Variants in PLPPR1 observed in about 807,000 individuals in gnomAD.
PLPPR1 encodes phospholipid phosphatase-related protein type 1.
Under a neutral mutation model 33.1 loss-of-function variants are expected in PLPPR1, and 10 were observed. The ratio of observed to expected loss-of-function variants is 0.30; its 90% CI spans 0.19 to 0.51. The LOEUF is 0.51. Among genes scored for constraint, PLPPR1 ranks in the 20% least tolerant of loss-of-function variants. The pLI is 0.97. For synonymous variants in PLPPR1, 151 were observed against 151.0 expected (o/e 1.00, Z 0.00); for missense variants, 304 against 408.1 (o/e 0.74, Z 2.20).
intron 2 of PLPPR1, among the ~76,000 whole-genome samples, chr9:101,260,172 C>T (rs1021857554): frequency 3.3e-5 from 5 of 151,966 alleles, no homozygotes; most frequent in Non-Finnish European, 4.4e-5. Flanking sequence ...AGACTGGGAC[C>T]CCACCTCCAA....
chr9:101,102,897 T>G (rs1386608118), intron 1 of PLPPR1, among the ~76,000 whole-genome samples: 1 of 68,990 alleles, frequency 1.4e-5, no homozygotes, highest in African/African-American at 6.5e-5. Flanking sequence ...TGATGGCCAG[T>G]GATGATGAGC....
At chr9:101,137,454 G>A (rs1488251803) in intron 1 of PLPPR1, among the ~76,000 whole-genome samples, 3 of 152,200 alleles carry the variant, frequency 2.0e-5, no homozygotes, top group African/African-American at 4.8e-5. Flanking sequence ...GTAAAGTATA[G>A]TTAGGGACAC....
intron 1 of PLPPR1, among the ~76,000 whole-genome samples, chr9:101,115,999 G>A (rs201724956): frequency 2.6e-5 from 1 of 38,592 alleles, no homozygotes; most frequent in Non-Finnish European, 5.6e-5. Flanking sequence ...CAGAGAATGA[G>A]AAGAACATTC....
chr9:101,272,653 C>T (rs1435213730), intron 3 of PLPPR1, among the ~76,000 whole-genome samples: 3 of 152,170 alleles, frequency 2.0e-5, no homozygotes, highest in African/African-American at 7.2e-5. Context: ...AGACAACTAA[C>T]AACCAGCAAT....
At chr9:101,258,142 G>A (rs1470062896) in intron 2 of PLPPR1, among the ~76,000 whole-genome samples, 2 of 152,108 alleles carry the variant, frequency 1.3e-5, no homozygotes, top group Admixed American at 1.3e-4. Flanking sequence ...ATCTAGTACT[G>A]CATCCAGGTC....
intron 3 of PLPPR1, among the ~76,000 whole-genome samples, chr9:101,278,530 A>G (rs933954387): frequency 2.6e-5 from 4 of 152,086 alleles, no homozygotes. Flanking sequence ...TACCTGCACC[A>G]CCCCTCCCCC....
intron 2 of PLPPR1, among the ~76,000 whole-genome samples, chr9:101,267,657 G>A (rs1465561594): frequency 6.6e-6 from 1 of 152,238 alleles, no homozygotes; most frequent in Non-Finnish European, 1.5e-5. Context: ...AGGAAAGGTA[G>A]CAATGGATGT....
chr9:101,280,376 C>A (rs1828276020), intron 3 of PLPPR1, among the ~76,000 whole-genome samples: 1 of 152,060 alleles, frequency 6.6e-6, no homozygotes. Flanking sequence ...AGAACTAATA[C>A]CAATTTTACT....
intron 1 of PLPPR1, among the ~76,000 whole-genome samples, chr9:101,111,091 G>A (rs1228902581): frequency 6.6e-6 from 1 of 152,100 alleles, no homozygotes; most frequent in Non-Finnish European, 1.5e-5. Context: ...GAAAAGTATG[G>A]ACAGTGTAAC....
At chr9:101,243,699 A>C (rs1171677002) in intron 2 of PLPPR1, among the ~76,000 whole-genome samples, 1 of 151,976 alleles carries the variant, frequency 6.6e-6, no homozygotes, top group Admixed American at 6.6e-5. Flanking sequence ...GTGTGGATTA[A>C]GAAATAAGGG....
At chr9:101,106,190 T>G (rs1322889169) in intron 1 of PLPPR1, among the ~76,000 whole-genome samples, 8 of 150,098 alleles carry the variant, frequency 5.3e-5, no homozygotes, top group South Asian at 2.1e-4. Context: ...ATCCTGTCAT[T>G]ATGATGTTAG....
chr9:101,049,863 T>C (rs895850817), intron 1 of PLPPR1, among the ~76,000 whole-genome samples: 37 of 151,620 alleles, frequency 2.4e-4, no homozygotes, highest in African/African-American at 8.7e-4. Flanking sequence ...CGGTGGCTCA[T>C]GCCTGTAATC....
intron 2 of PLPPR1, among the ~76,000 whole-genome samples, chr9:101,185,847 A>G (rs1454025854): frequency 6.6e-6 from 1 of 151,818 alleles, no homozygotes; most frequent in Non-Finnish European, 1.5e-5. Context: ...ATTTTCGACA[A>G]TGATGTGAAT....
intron 1 of PLPPR1, among the ~76,000 whole-genome samples, chr9:101,030,502 A>G (rs2118393076): frequency 6.6e-6 from 1 of 151,830 alleles, no homozygotes. Context: ...ATACTTACAA[A>G]TTAGTTGTTT....
chr9:101,131,763 C>T (rs1162848210), intron 1 of PLPPR1: 8 of 152,332 alleles, frequency 5.3e-5, no homozygotes, highest in East Asian at 3.9e-4. Context: ...TGAAGAACTT[C>T]GCTTTGAAAG....
At chr9:101,259,875 C>T (rs887335604) in intron 2 of PLPPR1, among the ~76,000 whole-genome samples, 10 of 152,068 alleles carry the variant, frequency 6.6e-5, no homozygotes, top group African/African-American at 2.4e-4. Flanking sequence ...ATCGGATATG[C>T]ATTTATCTCA....
At chr9:101,218,351 C>T (rs1223808035) in intron 2 of PLPPR1, among the ~76,000 whole-genome samples, 1 of 152,004 alleles carries the variant, frequency 6.6e-6, no homozygotes, top group Non-Finnish European at 1.5e-5. Context: ...TTGGAAGAAA[C>T]CACAGAGGAA....
At chr9:101,281,324 C>T (rs1190052429) in intron 3 of PLPPR1, among the ~76,000 whole-genome samples, 2 of 151,864 alleles carry the variant, frequency 1.3e-5, no homozygotes, top group Non-Finnish European at 2.9e-5. Flanking sequence ...GTTAAAATGC[C>T]CATACTACCA....
At chr9:101,128,088 A>G (rs537606617) in intron 1 of PLPPR1, among the ~76,000 whole-genome samples, 170 of 152,296 alleles carry the variant, frequency 1.1e-3, no homozygotes, top group Middle Eastern at 3.4e-3. Context: ...ATTAAGCACT[A>G]TGAGAATTGT....
Sources: allele counts gnomAD v4.1 joint callset (sites outside exome capture counted in the v4.1 genomes callset), GRCh38; gene constraint gnomAD v4.1.1; transcripts MANE v1.5; gene names NCBI Gene and HGNC (gene_info 2026-07-23, HGNC 2026-07-21).